Variants in NCAN observed in about 807,000 individuals in gnomAD.
NCAN encodes neurocan.
A neutral mutation model predicts 121.8 loss-of-function variants in NCAN; 47 were observed. The ratio of observed to expected loss-of-function variants is 0.39; its 90% CI spans 0.31 to 0.49. NCAN has a LOEUF of 0.49. Among genes scored for constraint, NCAN ranks in the 20% least tolerant of loss-of-function variants. The pLI, the probability that NCAN is intolerant of heterozygous loss-of-function variation, is 0.92. For synonymous variants in NCAN, 633 were observed against 702.0 expected (o/e 0.90, Z 1.55); for missense variants, 1,517 against 1,773.4 (o/e 0.86, Z 2.60).
rs1408409631 is a variant in NCAN, at chr19:19,216,376, A to G, written c.-7-571A>G. ...GCCCAGGCTGGAGTGCAGTGGCGTG[A>G]TCTCGGCTCACTGCAACCTCCACCT... On this transcript the variant is annotated intron_variant, in intron 1 of 14. Coordinates refer to ENST00000252575, the MANE Select transcript of NCAN (RefSeq NM_004386.3). Among the ~76,000 whole-genome samples the G allele has an allele frequency of 2.0e-5, 3 of 150,870 alleles. No individual in the cohort carries two copies. In the East Asian group the frequency reaches 5.9e-4, roughly 30 times the overall value.
intron 9 of NCAN, 147 bp downstream of exon 9, chr19:19,234,052 A>C: frequency 1.7e-6 from 1 of 595,744 alleles, no homozygotes; most frequent in Middle Eastern, 3.2e-4. Flanking sequence ...CCTTGCATTC[A>C]GCTAAATCAG....
chr19:19,252,151 A>G lies in NCAN; in HGVS notation c.*2240A>G. On this transcript the variant is annotated 3_prime_UTR_variant, in exon 15 of 15. Coordinates refer to ENST00000252575, the MANE Select transcript of NCAN (RefSeq NM_004386.3). ...TCCTGCTGGTTTTGCTGTGAGCTGC[A>G]GTGTTCTGTGGGTCTGTGGTATCTG... 1 of 153,020 alleles carries G rather than the reference A, an allele frequency of 6.5e-6. No homozygotes were observed. The allele number at this position is 153,020 out of a possible 1,614,324, so 9.5% of individuals were successfully genotyped here.
Position 19,225,005 on chromosome 19 carries a change from C to G in NCAN, c.807C>G (p.Arg269=). 6.8e-7 allele frequency: 1 copy of G among 1,468,660 alleles called. No individual in the cohort carries two copies. The highest frequency in any genetic ancestry group is 8.9e-7 in the Non-Finnish European group (1 of 1,117,982). 91.0% of individuals were successfully genotyped at this position (1,468,660 alleles called of 1,614,324 possible). ...GGEVFYVGPA[R]RLTLAGARAQ... ...AGGTCTTCTACGTGGGCCCGGCCCGCCGCCTGACACTGGCCGGCGCGCGTG... is the reference window on the plus strand; with the variant it reads ...AGGTCTTCTACGTGGGCCCGGCCCGGCGCCTGACACTGGCCGGCGCGCGTG... Residue 269 remains arginine (R), a synonymous_variant, in exon 6 of 15, where the codon CGC becomes CGG. Coordinates refer to ENST00000252575, the MANE Select transcript of NCAN (RefSeq NM_004386.3). The surrounding 1 kb of genome is among the most constrained non-coding windows in gnomAD (Gnocchi z 4.0).
At chr19:19,247,885 C>G (rs1481695509) in intron 13 of NCAN, among the ~76,000 whole-genome samples, 3 of 152,102 alleles carry the variant, frequency 2.0e-5, no homozygotes, top group African/African-American at 7.2e-5. Context: ...GAGGCAGGGA[C>G]CTGTTGACGA....
At position 19,245,467 on chromosome 19, in the gene NCAN, GC is replaced by G; in HGVS notation, c.3637+15del. 1 of 1,610,074 alleles carries G rather than the reference GC, an allele frequency of 6.2e-7. No individual in the cohort carries two copies. The highest frequency in any genetic ancestry group is 1.3e-5 in the African/African-American group (1 of 74,832). ...TGCAAGAAGGGCACAGGTATGCTGT[GC>G]CCCCTGCTTCTTTTCCTCTCTGTCA... On this transcript the variant is annotated intron_variant, in intron 13 of 14. Transcript: ENST00000252575.
chr19:19,218,314 G>T (rs1183907084), intron 2 of NCAN, among the ~76,000 whole-genome samples: 1 of 151,386 alleles, frequency 6.6e-6, no homozygotes, highest in Non-Finnish European at 1.5e-5. Flanking sequence ...TAATAATAAG[G>T]GGCTGGGCAC....
At chr19:19,217,626 G>C (rs1028930706) in intron 2 of NCAN, among the ~76,000 whole-genome samples, 5 of 152,200 alleles carry the variant, frequency 3.3e-5, no homozygotes, top group Admixed American at 1.3e-4. Context: ...CTCAGGGAAG[G>C]AAAATGCCTC....
intron 12 of NCAN, among the ~76,000 whole-genome samples, chr19:19,244,177 C>A (rs999673938): frequency 2.0e-5 from 3 of 152,090 alleles, no homozygotes; most frequent in Admixed American, 2.0e-4. Context: ...ACACCCCAGC[C>A]CCATCACGCA....
chr19:19,224,061 A>T lies in NCAN; in HGVS notation c.516A>T (p.Ala172=). 1 of 1,590,548 alleles carries T rather than the reference A, an allele frequency of 6.3e-7. No homozygotes were observed. Residue 172 remains alanine, a synonymous_variant, in exon 4 of 15, where the codon GCA becomes GCT. Coordinates refer to ENST00000252575, the MANE Select transcript of NCAN (RefSeq NM_004386.3). ...FHYRSARDRY[A]LTFAEAQEAC... ...ACCGATCAGCCCGGGACCGCTATGC[A>T]CTGACCTTCGCTGAGGCCCAGGAGG...
chr19:19,232,521 G>C (rs1568599370), intron 8 of NCAN, among the ~76,000 whole-genome samples: 1 of 152,356 alleles, frequency 6.6e-6, no homozygotes, highest in East Asian at 1.9e-4. Context: ...ACAGGCCTCA[G>C]CTACCGCAGG....
intron 14 of NCAN, 109 bp from the exon 15 acceptor site, chr19:19,249,657 G>A (rs959597515): frequency 3.0e-5 from 44 of 1,472,458 alleles, no homozygotes; most frequent in Admixed American, 2.7e-4. Context: ...ATGAGCCCTC[G>A]CGTCTGGCCT....
chr19:19,242,716 G>C (rs958009022), intron 12 of NCAN, among the ~76,000 whole-genome samples: 2 of 152,070 alleles, frequency 1.3e-5, no homozygotes, highest in Non-Finnish European at 2.9e-5. Flanking sequence ...ACAAAAACTT[G>C]TACATGAATG....
At chr19:19,215,148 C>G (rs2060791827) in intron 1 of NCAN, among the ~76,000 whole-genome samples, 1 of 152,152 alleles carries the variant, frequency 6.6e-6, no homozygotes, top group African/African-American at 2.4e-5. Flanking sequence ...GGACAGGTCC[C>G]AGGCCGGCCT....
At position 19,228,320 on chromosome 19, in the gene NCAN, G is replaced by T; in HGVS notation, c.2700G>T (p.Glu900Asp). 1 of 1,613,992 alleles carries T rather than the reference G, an allele frequency of 6.2e-7. No homozygotes were observed. The highest frequency in any genetic ancestry group is 2.2e-5 in the East Asian group (1 of 44,882). ...CCTCAAGCTCCCAACCCCACCCAGA[G>T]CCAGAGGATCAGGTGGAGACCCAGG... Reference protein sequence around the residue: ...LGSSSSQPHPEPEDQVETQGT... With the variant: ...LGSSSSQPHPDPEDQVETQGT... The change falls in exon 8 of 15, where the codon GAG becomes GAT. Residue 900 changes from glutamate to aspartate, a missense_variant. Transcript: ENST00000252575.
In NCAN at chr19:19,227,660, G is replaced by A; in HGVS notation, c.2040G>A (p.Leu680=). The part of the protein sequence containing the change: ...SPAAETKVYS[L]PLSLTPTGQG... ...CTGCAGAGACCAAGGTGTATTCCCT[G>A]CCTCTCTCTTTGACCCCAACAGGAC... Residue 680 remains leucine, a synonymous_variant, in exon 8 of 15, where the codon CTG becomes CTA. Transcript: ENST00000252575. The surrounding 1 kb of genome is among the most constrained non-coding windows in gnomAD (Gnocchi z 4.2). The A allele has an allele frequency of 1.2e-6, 2 of 1,614,028 alleles. No individual in the cohort carries two copies. The highest frequency in any genetic ancestry group is 1.7e-6 in the Non-Finnish European group (2 of 1,180,024).
chr19:19,249,753 C>T lies in NCAN; in HGVS notation c.3821-13C>T, dbSNP rs2060939637. ...CTTTTGTCCCTTCCCTGTCCTCCCT[C>T]ACTTCCCTGCAGCCAGACGTTCACA... On this transcript the variant is annotated splice_polypyrimidine_tract_variant and intron_variant, in intron 14 of 14. Transcript: ENST00000252575. 6.3e-7 allele frequency: 1 copy of T among 1,590,370 alleles called. No homozygotes were observed. The highest frequency in any genetic ancestry group is 8.6e-7 in the Non-Finnish European group (1 of 1,169,512).
rs2060935081 is a variant in NCAN, at chr19:19,248,697, C to T, written c.3638-3C>T. ...TCTCTCACTAGAGATTCCTCTGTCCCAGTGCTCTGTGGTCCCCCTCCGGCA... is the reference window on the plus strand; with the variant it reads ...TCTCTCACTAGAGATTCCTCTGTCCTAGTGCTCTGTGGTCCCCCTCCGGCA... On this transcript the variant is annotated splice_polypyrimidine_tract_variant and splice_region_variant and intron_variant, in intron 13 of 14. Transcript: ENST00000252575. 2 of 1,613,444 alleles carry T rather than the reference C, an allele frequency of 1.2e-6. No individual in the cohort carries two copies. The highest frequency in any genetic ancestry group is 1.7e-6 in the Non-Finnish European group (2 of 1,179,656).
Position 19,227,904 on chromosome 19 carries a change from G to T in NCAN, c.2284G>T (p.Asp762Tyr), listed in dbSNP as rs139667970. The change falls in exon 8 of 15, where the codon GAC becomes TAC. Residue 762 changes from aspartate to tyrosine, a missense_variant. Coordinates refer to ENST00000252575, the MANE Select transcript of NCAN (RefSeq NM_004386.3). The surrounding 1 kb of genome is among the most constrained non-coding windows in gnomAD (Gnocchi z 4.2). ...CCCGGGGTCTGAGTCTGGGGTCTTC[G>T]ACACAGCAGAAAGCCCCACTTCTGG... is the stretch of plus-strand genomic sequence containing the variant. ...GIPGSESGVF[D>Y]TAESPTSGLQ... 1.2e-6 allele frequency: 2 copies of T among 1,613,538 alleles called. No individual in the cohort carries two copies. Among genetic ancestry groups the T allele is most frequent in the Non-Finnish European group, 1.7e-6 (2 of 1,180,028 alleles).
intron 12 of NCAN, among the ~76,000 whole-genome samples, chr19:19,243,305 C>A (rs1344737731): frequency 6.6e-6 from 1 of 151,662 alleles, no homozygotes; most frequent in Admixed American, 6.6e-5. Flanking sequence ...ATCACAAGGT[C>A]AGGAGTTCAA....
Sources: allele counts gnomAD v4.1 joint callset (sites outside exome capture counted in the v4.1 genomes callset), GRCh38; gene constraint gnomAD v4.1.1; non-coding constraint Gnocchi (gnomAD v3.1); transcripts MANE v1.5; gene names NCBI Gene and HGNC (gene_info 2026-07-23, HGNC 2026-07-21).